The following MCUB variants were observed in gnomAD, a reference collection of about 807,000 sequenced individuals.
The protein encoded by MCUB is mitochondrial calcium uniporter dominant negative subunit beta.
A neutral mutation model predicts 41.4 loss-of-function variants in MCUB; 46 were observed. The ratio of observed to expected loss-of-function variants is 1.11; its 90% CI spans 0.88 to 1.42. MCUB has a LOEUF of 1.42. Among genes scored for constraint, MCUB ranks in the 40% most tolerant of loss-of-function variants. MCUB has a pLI of 0.00. For missense variants in MCUB, 403 were observed against 404.9 expected (o/e 1.00, Z 0.04); for synonymous variants, 148 against 148.2 (o/e 1.00, Z 0.01).
chr4:109,684,610 T>A lies in MCUB; in HGVS notation c.780T>A (p.Ser260=). The change falls in exon 6 of 8, where the codon TCT becomes TCA. Residue 260 remains serine, a synonymous_variant. Coordinates refer to ENST00000394650, the MANE Select transcript of MCUB (RefSeq NM_017918.5). ...CATACTTCATCACATTTGCAAATTC[T>A]ATGGTCTTTTTTGCATACTTTATAG... ...PVTYFITFAN[S]MVFFAYFIVT... is the part of the protein sequence containing the mutation. 2 of 1,583,074 alleles carry A rather than the reference T, an allele frequency of 1.3e-6. No individual in the cohort carries two copies. The highest frequency in any genetic ancestry group is 1.7e-6 in the Non-Finnish European group (2 of 1,151,934).
chr4:109,600,507 A>T (rs1727705787), intron 1 of MCUB, among the ~76,000 whole-genome samples: 1 of 152,190 alleles, frequency 6.6e-6, no homozygotes, highest in South Asian at 2.1e-4. Flanking sequence ...ATAGGTTAAA[A>T]GCCATTTTAA....
intron 1 of MCUB, among the ~76,000 whole-genome samples, chr4:109,653,086 G>A (rs536147723): frequency 1.0e-3 from 157 of 152,270 alleles, no homozygotes; most frequent in Non-Finnish European, 1.7e-3. Flanking sequence ...ACTTTATAAA[G>A]AACGGTCAGG....
At position 109,578,819 on chromosome 4, in the gene MCUB, T is replaced by C. The variant is rs536442566; in HGVS notation, c.99+18383T>C. ...ATTGCCCTATTTTTCTCCTCTCTCT[T>C]TTTTGAAGCACAGAAATAGACATGG... is the stretch of plus-strand genomic sequence containing the variant. On this transcript the variant is annotated intron_variant, in intron 1 of 7. Coordinates refer to ENST00000394650, the MANE Select transcript of MCUB (RefSeq NM_017918.5). 5.9e-5 allele frequency among the ~76,000 whole-genome samples: 9 copies of C among 152,268 alleles called. No individual in the cohort carries two copies. The South Asian group carries it at 1.2e-3, about 21-fold the overall frequency.
intron 1 of MCUB, among the ~76,000 whole-genome samples, chr4:109,574,776 G>C (rs1353714603): frequency 6.6e-6 from 1 of 152,144 alleles, no homozygotes; most frequent in Non-Finnish European, 1.5e-5. Context: ...GGCCAAGGAG[G>C]GATGGGAGAC....
intron 1 of MCUB, among the ~76,000 whole-genome samples, chr4:109,642,192 A>T (rs1360297762): frequency 6.6e-6 from 1 of 152,196 alleles, no homozygotes; most frequent in African/African-American, 2.4e-5. Flanking sequence ...AGCAAATATT[A>T]TGAACCAAGT....
rs1303358820 is a variant in MCUB, at chr4:109,632,820, G to A, written c.100-26191G>A. ...AGTAGAGACAGGGTTTCGCCATGTT[G>A]GCCAGGCTGATCTCGAACTCCTGAC... is the stretch of plus-strand genomic sequence containing the variant. On this transcript the variant is annotated intron_variant, in intron 1 of 7. Coordinates refer to ENST00000394650, the MANE Select transcript of MCUB (RefSeq NM_017918.5). 2.0e-5 allele frequency among the ~76,000 whole-genome samples: 3 copies of A among 152,056 alleles called. 1 individual carries two copies. The highest frequency in any genetic ancestry group is 4.2e-4 in the South Asian group (2 of 4,814).
intron 1 of MCUB, among the ~76,000 whole-genome samples, chr4:109,567,837 T>C (rs1466122119): frequency 6.6e-6 from 1 of 152,104 alleles, no homozygotes; most frequent in Non-Finnish European, 1.5e-5. Flanking sequence ...TAGCTGGGAC[T>C]ACAGCCGCCC....
chr4:109,619,706 G>A (rs1005133523), intron 1 of MCUB, among the ~76,000 whole-genome samples: 8 of 152,050 alleles, frequency 5.3e-5, no homozygotes, highest in Non-Finnish European at 7.4e-5. Context: ...ACTCTGTCTC[G>A]AGAAAGAAAA....
chr4:109,674,069 C>T, intron 4 of MCUB: 4 of 1,424,148 alleles, frequency 2.8e-6, no homozygotes, highest in Non-Finnish European at 4.0e-6. Context: ...GGAGCAATGA[C>T]TGTTGGTATG....
At chr4:109,638,451 T>G (rs1728643720) in intron 1 of MCUB, among the ~76,000 whole-genome samples, 3 of 152,032 alleles carry the variant, frequency 2.0e-5, no homozygotes, top group Admixed American at 6.6e-5. Context: ...GATACTTTAT[T>G]GCTAAAAATG....
intron 1 of MCUB, among the ~76,000 whole-genome samples, chr4:109,612,828 C>A (rs1480464726): frequency 6.6e-6 from 1 of 151,750 alleles, no homozygotes; most frequent in African/African-American, 2.4e-5. Context: ...GGAATTAGGC[C>A]GGGTGCGGTG....
intron 1 of MCUB, among the ~76,000 whole-genome samples, chr4:109,643,994 C>A (rs1728776470): frequency 6.6e-6 from 1 of 152,134 alleles, no homozygotes; most frequent in Non-Finnish European, 1.5e-5. Flanking sequence ...GGGAGCCTCG[C>A]TGAACCTATT....
chr4:109,658,928 G>C (rs1543812), intron 1 of MCUB, 83 bp from the exon 2 acceptor site: 1 of 832,444 alleles, frequency 1.2e-6, no homozygotes, highest in Non-Finnish European at 2.0e-6. Flanking sequence ...GTATTAAAAA[G>C]AATCTTATGG....
chr4:109,643,234 G>A (rs142385809), intron 1 of MCUB, among the ~76,000 whole-genome samples: 303 of 151,828 alleles, frequency 2.0e-3, no homozygotes, highest in African/African-American at 6.8e-3. Flanking sequence ...CGCCCAGGCT[G>A]GAGTACAATG....
At chr4:109,645,486 T>A (rs1728813056) in intron 1 of MCUB, among the ~76,000 whole-genome samples, 1 of 149,492 alleles carries the variant, frequency 6.7e-6, no homozygotes, top group Non-Finnish European at 1.5e-5. Context: ...TTTAAAGACC[T>A]CTATTGCAAA....
intron 1 of MCUB, among the ~76,000 whole-genome samples, chr4:109,639,430 C>T (rs1728668356): frequency 6.6e-6 from 1 of 151,960 alleles, no homozygotes. Context: ...GGTCTCACAC[C>T]TATAATCCCA....
intron 1 of MCUB, among the ~76,000 whole-genome samples, chr4:109,569,700 C>A (rs557647431): frequency 1.3e-5 from 2 of 151,646 alleles, no homozygotes; most frequent in East Asian, 3.9e-4. Context: ...ATGGTGTTTC[C>A]CCATGTTGGC....
At chr4:109,627,590 A>C (rs1728387416) in intron 1 of MCUB, among the ~76,000 whole-genome samples, 1 of 152,176 alleles carries the variant, frequency 6.6e-6, no homozygotes, top group Non-Finnish European at 1.5e-5. Context: ...TTGGTGCTGC[A>C]GATAAAGTTG....
intron 1 of MCUB, among the ~76,000 whole-genome samples, chr4:109,597,932 AGAGGCGCTCCTCACATCCCAGATG>A (rs1727616679): frequency 6.7e-6 from 1 of 150,050 alleles, no homozygotes; most frequent in Non-Finnish European, 1.5e-5. Flanking sequence ...GCGGCCGGGC[AGAGGCGCTCCTCACATCCCAGATG>A]GGGCGGCGGG....
Sources: gnomAD v4.1 joint callset for allele counts (sites outside exome capture counted in the v4.1 genomes callset) on GRCh38, gnomAD v4.1.1 for gene constraint, MANE v1.5 for transcripts, NCBI Gene and HGNC (gene_info 2026-07-23, HGNC 2026-07-21) for gene names.